DOCK2: variants seen among roughly 807,000 people sequenced by gnomAD.
DOCK2 encodes the protein dedicator of cytokinesis protein 2.
In DOCK2, 87 loss-of-function variants were observed where a neutral mutation model predicts 248.9. That is an observed-to-expected ratio of 0.35 (90% CI 0.29 to 0.42). The LOEUF is 0.42. Ranked by LOEUF, DOCK2 falls within the 10% of genes least tolerant of loss-of-function variation. The pLI is 1.00. For synonymous variants in DOCK2, 805 were observed against 821.6 expected (o/e 0.98, Z 0.35); for missense variants, 1,747 against 2,300.2 (o/e 0.76, Z 4.92).
intron 50 of DOCK2, 159 bp from the exon 51 acceptor site, chr5:170,081,683 G>A: frequency 1.3e-6 from 1 of 797,888 alleles, no homozygotes; most frequent in Non-Finnish European, 1.9e-6. Flanking sequence ...ATGTCCCCTG[G>A]CACGGCAGGA....
rs114639594 is a variant in DOCK2, at chr5:169,905,576, G to A, written c.2799+64724G>A. ...CACCTCTCTGAGGGTAATGTCACTC[G>A]CTCTTCAAGTCCTGTATACGGGCTT... On this transcript the variant is annotated intron_variant, in intron 27 of 51. Coordinates refer to ENST00000520908, the MANE Select transcript of DOCK2 (RefSeq NM_004946.3). Among the ~76,000 whole-genome samples the A allele has an allele frequency of 2.4e-3, 369 of 152,248 alleles. 1 individual carries two copies. The highest frequency in any genetic ancestry group is 8.7e-3 in the African/African-American group (361 of 41,534).
At chr5:169,718,220 T>C (rs528584544) in intron 21 of DOCK2, among the ~76,000 whole-genome samples, 1 of 152,232 alleles carries the variant, frequency 6.6e-6, no homozygotes, top group South Asian at 2.1e-4. Flanking sequence ...GAAGGGGCCT[T>C]GAAAGTCAGG....
At chr5:169,702,276 T>C (rs1053684914) in intron 13 of DOCK2, 27 bp from the exon 14 acceptor site, 2 of 1,611,972 alleles carry the variant, frequency 1.2e-6, no homozygotes, top group Non-Finnish European at 1.7e-6. Context: ...CCACACTAAC[T>C]CTTGTCTCTC....
chr5:169,747,646 G>T, intron 23 of DOCK2, 142 bp downstream of exon 23: 1 of 619,090 alleles, frequency 1.6e-6, no homozygotes, highest in Non-Finnish European at 2.7e-6. Flanking sequence ...TAAAGACCAA[G>T]GGCTCCTCAG....
intron 26 of DOCK2, among the ~76,000 whole-genome samples, chr5:169,808,168 T>C (rs770269122): frequency 2.0e-5 from 3 of 152,130 alleles, no homozygotes; most frequent in Non-Finnish European, 4.4e-5. Context: ...TTAGTTGGCA[T>C]CATGGAACAA....
At chr5:169,846,389 C>T (rs1254205303) in intron 27 of DOCK2, among the ~76,000 whole-genome samples, 2 of 152,110 alleles carry the variant, frequency 1.3e-5, no homozygotes, top group Non-Finnish European at 2.9e-5. Flanking sequence ...GATCAATTCC[C>T]TGAGCAATGA....
At chr5:169,693,149 T>C (rs1760405397) in intron 9 of DOCK2, among the ~76,000 whole-genome samples, 1 of 151,952 alleles carries the variant, frequency 6.6e-6, no homozygotes, top group South Asian at 2.1e-4. Context: ...AGAGAAGGTA[T>C]TAGGGATGGA....
chr5:169,672,831 C>G (rs1468188269), intron 5 of DOCK2, among the ~76,000 whole-genome samples: 1 of 152,180 alleles, frequency 6.6e-6, no homozygotes, highest in Admixed American at 6.5e-5. Flanking sequence ...TAGAACAACT[C>G]AGAGAACTCA....
At chr5:169,838,037 T>G (rs775823796) in intron 26 of DOCK2, among the ~76,000 whole-genome samples, 4 of 152,074 alleles carry the variant, frequency 2.6e-5, no homozygotes, top group Non-Finnish European at 4.4e-5. Context: ...ATAAATTTGA[T>G]GAAATTGCAA....
At chr5:169,881,113 G>T (rs1347704448) in intron 27 of DOCK2, among the ~76,000 whole-genome samples, 1 of 152,158 alleles carries the variant, frequency 6.6e-6, no homozygotes, top group African/African-American at 2.4e-5. Flanking sequence ...ATGCAAATGT[G>T]CATGCCAAGC....
At chr5:169,925,664 G>A (rs150388832) in intron 27 of DOCK2, among the ~76,000 whole-genome samples, 3 of 151,580 alleles carry the variant, frequency 2.0e-5, no homozygotes, top group African/African-American at 7.3e-5. Flanking sequence ...GTGACCTGTG[G>A]GACTTCTGTA....
intron 33 of DOCK2, among the ~76,000 whole-genome samples, chr5:170,023,624 C>T (rs979931351): frequency 2.0e-5 from 3 of 152,160 alleles, no homozygotes; most frequent in African/African-American, 4.8e-5. Context: ...TTAGAGACAA[C>T]TCAAAATTAG....
At chr5:169,736,041 AACTC>A (rs1763023042) in intron 22 of DOCK2, among the ~76,000 whole-genome samples, 1 of 152,038 alleles carries the variant, frequency 6.6e-6, no homozygotes, top group Admixed American at 6.6e-5. Flanking sequence ...ATCTTATGAG[AACTC>A]ACTCACTGTC....
rs369630463 is a variant in DOCK2, at chr5:169,917,628, G to A, written c.2800-65440G>A. On this transcript the variant is annotated intron_variant, in intron 27 of 51. Coordinates refer to ENST00000520908, the MANE Select transcript of DOCK2 (RefSeq NM_004946.3). ...TTGCTTGCTGTTTTTTGGTGATTGC[G>A]AAACACTAGAAAGTCCCAAAGGAAT... Among the ~76,000 whole-genome samples, 27 of 152,240 alleles carry A rather than the reference G, an allele frequency of 1.8e-4. No homozygotes were observed. The South Asian group carries it at 2.7e-3, about 15-fold the overall frequency.
Position 169,764,194 on chromosome 5 carries a change from T to C in DOCK2, c.2554+2569T>C, listed in dbSNP as rs1764641202. ...TGATTTGCTTTGAGCCTGCACTCAT[T>C]TAACTGCCAGATGTGCAAATTGCCT... On this transcript the variant is annotated intron_variant, in intron 25 of 51. Transcript: ENST00000520908. The surrounding 1 kb of genome is among the most constrained non-coding windows in gnomAD (Gnocchi z 4.3). 6.6e-6 allele frequency among the ~76,000 whole-genome samples: 1 copy of C among 152,208 alleles called. No homozygotes were observed. The highest frequency in any genetic ancestry group is 2.4e-5 in the African/African-American group (1 of 41,452).
intron 26 of DOCK2, among the ~76,000 whole-genome samples, chr5:169,815,008 C>A (rs368091249): frequency 1.3e-5 from 2 of 152,174 alleles, no homozygotes; most frequent in African/African-American, 4.8e-5. Flanking sequence ...ATTTAGCATG[C>A]CATAACCCAG....
chr5:169,690,833 T>C (rs1333256845), intron 9 of DOCK2, among the ~76,000 whole-genome samples: 37 of 152,182 alleles, frequency 2.4e-4, no homozygotes, highest in Non-Finnish European at 7.3e-5. Flanking sequence ...TTCATGGAAT[T>C]CTGCCTGGGC....
In DOCK2 at chr5:169,698,389, A is replaced by T. The variant is rs1314494043; in HGVS notation, c.995A>T (p.Asp332Val). ...TTCTTTCTAGTTATGGATATAACAG[A>T]CATCATCAAGGGGAAAGCAGAGAGT... ...PFGVAVMDITDIIKGKAESDE... is the reference protein window; with the variant it reads ...PFGVAVMDITVIIKGKAESDE... Residue 332 changes from aspartate (D) to valine (V), a missense_variant, in exon 11 of 52, where the codon GAC (aspartate) becomes GTC (valine). Asp to Val is a radical substitution (Grantham distance 152). This residue lies in a region of DOCK2 where 375 missense variants were observed against 510.9 expected (regional missense o/e 0.73). Transcript: ENST00000520908. 6.2e-7 allele frequency: 1 copy of T among 1,614,078 alleles called. No individual in the cohort carries two copies. The highest frequency in any genetic ancestry group is 1.7e-5 in the Admixed American group (1 of 60,030).
Position 169,669,277 on chromosome 5 carries a change from T to C in DOCK2, c.128-11T>C. ...AAATGAGGGAACTGTTTCTTTGTTT[T>C]CTTTTTGCAGACTGGTATAGGGGAT... On this transcript the variant is annotated splice_polypyrimidine_tract_variant and intron_variant, in intron 2 of 51. Coordinates refer to ENST00000520908, the MANE Select transcript of DOCK2 (RefSeq NM_004946.3). 1 of 1,613,210 alleles carries C rather than the reference T, an allele frequency of 6.2e-7. No homozygotes were observed. Among genetic ancestry groups the C allele is most frequent in the Non-Finnish European group, 8.5e-7 (1 of 1,179,774 alleles).
Sources: gnomAD v4.1 joint callset for allele counts (sites outside exome capture counted in the v4.1 genomes callset) on GRCh38, gnomAD v4.1.1 for gene constraint, gnomAD v4.1.1 regional missense constraint, Gnocchi (gnomAD v3.1) non-coding constraint, MANE v1.5 for transcripts, NCBI Gene and HGNC (gene_info 2026-07-23, HGNC 2026-07-21) for gene names.